The following OSBPL1A variants were observed in gnomAD, a reference collection of about 807,000 sequenced individuals.
OSBPL1A encodes the protein oxysterol binding protein like 1A.
In OSBPL1A, 80 loss-of-function variants were observed where a neutral mutation model predicts 137.1. The observed-to-expected ratio is 0.58, with a 90% CI of 0.49 to 0.70. OSBPL1A has a LOEUF of 0.70. Among genes scored for constraint, OSBPL1A ranks in the 30% least tolerant of loss-of-function variants. The pLI, the probability that OSBPL1A is intolerant of heterozygous loss-of-function variation, is 0.00. For synonymous variants in OSBPL1A, 365 were observed against 389.7 expected (o/e 0.94, Z 0.75); for missense variants, 970 against 1,129.4 (o/e 0.86, Z 2.02).
Position 24,280,925 on chromosome 18 carries a change from T to G in OSBPL1A, c.1198A>C (p.Lys400Gln). The change falls in exon 15 of 28, where the codon AAA (lysine) becomes CAA (glutamine). Residue 400 changes from lysine (K) to glutamine (Q), a missense_variant. Physicochemically the swap from Lys to Gln is moderately conservative, Grantham distance 53. Transcript: ENST00000319481. ...GAAGCTTCTGAGACAACTTCAACTT[T>G]CTGAAGAAATGATGGAAGCATTTCT... Reference protein sequence around the residue: ...AKEMLPSFLQKVEVVSEASRE... With the variant: ...AKEMLPSFLQQVEVVSEASRE... 2 of 1,605,820 alleles carry G rather than the reference T, an allele frequency of 1.2e-6. No homozygotes were observed. The highest frequency in any genetic ancestry group is 1.7e-6 in the Non-Finnish European group (2 of 1,177,798).
At chr18:24,259,670 C>T (rs1440516478) in intron 15 of OSBPL1A, among the ~76,000 whole-genome samples, 1 of 152,090 alleles carries the variant, frequency 6.6e-6, no homozygotes, top group African/African-American at 2.4e-5. Flanking sequence ...CTAATTTAAG[C>T]TAATGTTATT....
At chr18:24,294,010 A>G (rs1379991758) in intron 14 of OSBPL1A, among the ~76,000 whole-genome samples, 1 of 152,160 alleles carries the variant, frequency 6.6e-6, no homozygotes, top group African/African-American at 2.4e-5. Context: ...TTGAGGAAAC[A>G]GTTTTAAGTA....
chr18:24,367,470 C>G (rs939407883), intron 3 of OSBPL1A: 2 of 146,298 alleles, frequency 1.4e-5, no homozygotes, highest in African/African-American at 4.9e-5. Context: ...GGTGAAAGTC[C>G]GTCTCTACAA....
At chr18:24,350,352 G>A (rs1188076743) in intron 4 of OSBPL1A, among the ~76,000 whole-genome samples, 2 of 152,194 alleles carry the variant, frequency 1.3e-5, no homozygotes, top group Non-Finnish European at 2.9e-5. Context: ...GAGTATTTGA[G>A]TATTTGCCAC....
intron 4 of OSBPL1A, among the ~76,000 whole-genome samples, chr18:24,354,087 A>C (rs2091492416): frequency 6.6e-6 from 1 of 152,192 alleles, no homozygotes; most frequent in Non-Finnish European, 1.5e-5. Flanking sequence ...ATTTAAAAAA[A>C]GAAAAACAAC....
intron 24 of OSBPL1A, 117 bp from the exon 25 acceptor site, chr18:24,167,562 G>A: frequency 1.2e-6 from 1 of 810,040 alleles, no homozygotes; most frequent in Non-Finnish European, 2.1e-6. Flanking sequence ...AGTCCCCTAA[G>A]GTTATAGCGG....
intron 12 of OSBPL1A, among the ~76,000 whole-genome samples, chr18:24,313,946 C>CAA (rs5823424): frequency 2.0e-5 from 3 of 150,740 alleles, no homozygotes; most frequent in South Asian, 2.1e-4. Context: ...TGCTAAAATA[C>CAA]AAAAAAAAAT....
intron 14 of OSBPL1A, among the ~76,000 whole-genome samples, chr18:24,289,861 G>C (rs763254280): frequency 3.3e-5 from 5 of 152,084 alleles, no homozygotes; most frequent in Non-Finnish European, 5.9e-5. Context: ...GGAAAGAATA[G>C]TTGTATATAC....
At chr18:24,394,566 A>G (rs1016776139) in intron 1 of OSBPL1A, among the ~76,000 whole-genome samples, 1 of 152,216 alleles carries the variant, frequency 6.6e-6, no homozygotes. Context: ...TTAGTAATAA[A>G]AATCCTAGCA....
At chr18:24,198,961 G>C (rs537702915) in intron 17 of OSBPL1A, among the ~76,000 whole-genome samples, 2 of 151,328 alleles carry the variant, frequency 1.3e-5, no homozygotes, top group African/African-American at 4.9e-5. Context: ...GGGTTCAAAC[G>C]ATTCTTCTGC....
chr18:24,180,382 C>A (rs2086569975), intron 19 of OSBPL1A, among the ~76,000 whole-genome samples: 2 of 152,076 alleles, frequency 1.3e-5, no homozygotes, highest in African/African-American at 2.4e-5. Flanking sequence ...TTAAAAAGTG[C>A]AATTCCTTGC....
At chr18:24,349,765 C>T (rs867974728) in intron 4 of OSBPL1A, among the ~76,000 whole-genome samples, 43 of 150,780 alleles carry the variant, frequency 2.9e-4, no homozygotes, top group South Asian at 1.1e-3. Context: ...ACTCTGCCAA[C>T]AACCTGCGTG....
intron 4 of OSBPL1A, among the ~76,000 whole-genome samples, chr18:24,347,005 C>T (rs1599696101): frequency 6.6e-6 from 1 of 152,076 alleles, no homozygotes; most frequent in African/African-American, 2.4e-5. Flanking sequence ...CCGCCTTGGC[C>T]TCCCAAAGTG....
chr18:24,252,917 A>G (rs139232710), intron 15 of OSBPL1A, among the ~76,000 whole-genome samples: 2,060 of 152,268 alleles, frequency 0.014, 30 homozygotes, highest in Middle Eastern at 0.02. Flanking sequence ...ATGGGTTATA[A>G]GACAGTATTT....
chr18:24,268,299 T>G (rs939157144), intron 15 of OSBPL1A, among the ~76,000 whole-genome samples: 42 of 151,974 alleles, frequency 2.8e-4, no homozygotes, highest in Non-Finnish European at 4.7e-4. Flanking sequence ...ATATTTTTTT[T>G]GGGAGAGACA....
At chr18:24,311,880 T>C (rs1220079349) in intron 13 of OSBPL1A, 104 bp downstream of exon 13, 4 of 1,311,156 alleles carry the variant, frequency 3.1e-6, no homozygotes, top group Non-Finnish European at 4.3e-6. Flanking sequence ...TCTATTGTTG[T>C]CAGAAATCAT....
intron 15 of OSBPL1A, among the ~76,000 whole-genome samples, chr18:24,254,590 G>A (rs1049242282): frequency 6.6e-5 from 10 of 152,032 alleles, no homozygotes; most frequent in African/African-American, 2.2e-4. Flanking sequence ...ATGACCAGTG[G>A]GTCAATGAGG....
chr18:24,288,322 A>T (rs773785685), intron 14 of OSBPL1A, among the ~76,000 whole-genome samples: 60 of 152,262 alleles, frequency 3.9e-4, no homozygotes, highest in Non-Finnish European at 6.8e-4. Context: ...AAGTGAGTAG[A>T]CACACAGGTC....
intron 4 of OSBPL1A, among the ~76,000 whole-genome samples, chr18:24,343,072 A>T (rs2091296428): frequency 6.6e-6 from 1 of 152,074 alleles, no homozygotes; most frequent in Admixed American, 6.6e-5. Flanking sequence ...TGAGAAAAAA[A>T]AATTTACAAA....
Sources: allele counts gnomAD v4.1 joint callset (sites outside exome capture counted in the v4.1 genomes callset), GRCh38; gene constraint gnomAD v4.1.1; transcripts MANE v1.5; gene names NCBI Gene and HGNC (gene_info 2026-07-23, HGNC 2026-07-21).